IQCE: variants seen among roughly 807,000 people sequenced by gnomAD.
The protein encoded by IQCE is IQ motif containing E, also known as IQ domain-containing protein E.
In IQCE, 115 loss-of-function variants were observed where a neutral mutation model predicts 96.0. That is an observed-to-expected ratio of 1.20 (90% CI 1.03 to 1.40). The LOEUF is 1.40. IQCE is among the 40% of genes most tolerant of loss of function. The pLI, the probability that IQCE is intolerant of heterozygous loss-of-function variation, is 0.00. For synonymous variants in IQCE, 412 were observed against 371.2 expected (o/e 1.11, Z -1.26); for missense variants, 1,041 against 909.1 (o/e 1.15, Z -1.87).
chr7:2,567,801 T>C (rs1264282658), intron 2 of IQCE, among the ~76,000 whole-genome samples: 1 of 152,250 alleles, frequency 6.6e-6, no homozygotes, highest in African/African-American at 2.4e-5. Flanking sequence ...GTTTGCTCTG[T>C]GGACTCAAGG....
intron 17 of IQCE, among the ~76,000 whole-genome samples, chr7:2,600,114 G>T (rs1371228215): frequency 2.6e-5 from 4 of 151,486 alleles, no homozygotes; most frequent in African/African-American, 9.7e-5. Flanking sequence ...TCTTTTCAAA[G>T]ACATTTTCTT....
chr7:2,605,306 G>A (rs1449686321), intron 19 of IQCE, among the ~76,000 whole-genome samples: 2 of 152,202 alleles, frequency 1.3e-5, no homozygotes, highest in African/African-American at 4.8e-5. Flanking sequence ...TCTGTATTGA[G>A]GACCAGGTTT....
chr7:2,578,504 A>G lies in IQCE; in HGVS notation c.608A>G (p.Glu203Gly). Residue 203 changes from glutamate to glycine, a missense_variant, in exon 8 of 22, where the codon GAG (glutamate) becomes GGG (glycine). Physicochemically the swap from Glu to Gly is moderately conservative, Grantham distance 98. Coordinates refer to ENST00000402050, the MANE Select transcript of IQCE (RefSeq NM_152558.5). ...RGTDFVRTLAEKRPDASWVIN... is the reference protein window; with the variant it reads ...RGTDFVRTLAGKRPDASWVIN... ...ACGGATTTTGTTCGGACTCTGGCAG[A>G]GAAAAGGCCCGATGCCAGTTGGGTG... 1.2e-6 allele frequency: 2 copies of G among 1,614,216 alleles called. No homozygotes were observed. Among genetic ancestry groups the G allele is most frequent in the Non-Finnish European group, 1.7e-6 (2 of 1,180,036 alleles).
intron 8 of IQCE, among the ~76,000 whole-genome samples, chr7:2,579,855 G>A (rs1278879954): frequency 6.6e-6 from 1 of 151,584 alleles, no homozygotes; most frequent in African/African-American, 2.4e-5. Context: ...TGGCTTAGGG[G>A]ATACTCCCAC....
intron 19 of IQCE, 130 bp from the exon 20 acceptor site, chr7:2,605,746 G>T: frequency 6.4e-6 from 6 of 930,638 alleles, no homozygotes; most frequent in Non-Finnish European, 8.8e-6. Context: ...TTCCCGGGAG[G>T]CAGGGCCATC....
chr7:2,612,798 G>C lies in IQCE; in HGVS notation c.*2636G>C, dbSNP rs1481927348. The C allele has an allele frequency of 6.5e-6, 1 of 153,250 alleles. No homozygotes were observed. Among genetic ancestry groups the C allele is most frequent in the Non-Finnish European group, 1.5e-5 (1 of 68,626 alleles). 9.5% of individuals were successfully genotyped at this position (153,250 alleles called of 1,614,324 possible). A position where few individuals can be genotyped will look rare whatever the true frequency, so the allele number is the denominator to read the frequency against. On this transcript the variant is annotated 3_prime_UTR_variant, in exon 22 of 22. Coordinates refer to ENST00000402050, the MANE Select transcript of IQCE (RefSeq NM_152558.5). ...CCATGGGAGGGGTGAGCTGTGAGTG[G>C]GGCTGAGCCATGGGAGCAGCAAGCT...
chr7:2,567,390 A>G (rs1021010955), intron 2 of IQCE, among the ~76,000 whole-genome samples: 2 of 152,266 alleles, frequency 1.3e-5, no homozygotes, highest in African/African-American at 2.4e-5. Flanking sequence ...AGCAGGGCTC[A>G]TGTGAGACAG....
chr7:2,605,636 GTAAATAAA>G (rs10527603), intron 19 of IQCE, among the ~76,000 whole-genome samples: 3,832 of 148,932 alleles, frequency 0.026, 170 homozygotes, highest in African/African-American at 0.088. Context: ...AAATAAATAA[GTAAATAAA>G]TAAATAAATA....
intron 1 of IQCE, among the ~76,000 whole-genome samples, chr7:2,560,190 A>G (rs979721047): frequency 2.6e-5 from 4 of 152,100 alleles, no homozygotes; most frequent in African/African-American, 9.7e-5. Flanking sequence ...TGGAGGCTAC[A>G]GTGAACTGTG....
intron 11 of IQCE, among the ~76,000 whole-genome samples, chr7:2,585,721 A>T (rs1444059603): frequency 6.6e-6 from 1 of 152,256 alleles, no homozygotes; most frequent in African/African-American, 2.4e-5. Context: ...GGCATTTTTC[A>T]TCACCTGTGC....
chr7:2,594,785 C>T (rs867848730), intron 15 of IQCE, 101 bp from the exon 16 acceptor site: 1 of 806,570 alleles, frequency 1.2e-6, no homozygotes, highest in African/African-American at 1.7e-5. Context: ...TGCCTGGTGT[C>T]CCCCTGTCTC....
At position 2,572,263 on chromosome 7, in the gene IQCE, C is replaced by T. The variant is rs780234314; in HGVS notation, c.331C>T (p.Pro111Ser). 23 of 1,614,106 alleles carry T rather than the reference C, an allele frequency of 1.4e-5. No individual in the cohort carries two copies. In the South Asian group the frequency reaches 2.1e-4, roughly 15 times the overall value. The change falls in exon 5 of 22, where the codon CCT becomes TCT. Residue 111 changes from proline to serine, a missense_variant. Coordinates refer to ENST00000402050, the MANE Select transcript of IQCE (RefSeq NM_152558.5). ...GTGGACTGGCGTCCCCGGCGGCACT[C>T]CTGACTGTCTGACAGACACCTTCAG... ...HAWTGVPGGT[P>S]DCLTDTFRVK...
intron 12 of IQCE, among the ~76,000 whole-genome samples, chr7:2,587,513 G>C (rs1324762858): frequency 1.3e-5 from 2 of 152,180 alleles, no homozygotes; most frequent in African/African-American, 2.4e-5. Flanking sequence ...GGATTTGGCA[G>C]ACTGACAGTC....
chr7:2,582,585 T>G lies in IQCE; in HGVS notation c.636T>G (p.Ile212Met). Residue 212 changes from isoleucine (I) to methionine (M), a missense_variant, in exon 9 of 22, where the codon ATT (isoleucine) becomes ATG (methionine). Coordinates refer to ENST00000402050, the MANE Select transcript of IQCE (RefSeq NM_152558.5). ...TGGGCACGTTCCCCGGGCAGGTCAT[T>G]AACGGGCTGAAGCAGAGGATCCTGA... ...AEKRPDASWV[I>M]NGLKQRILKL... 3 of 1,613,962 alleles carry G rather than the reference T, an allele frequency of 1.9e-6. No homozygotes were observed. The South Asian group carries it at 3.3e-5, about 18-fold the overall frequency.
intron 1 of IQCE, among the ~76,000 whole-genome samples, chr7:2,561,423 T>C (rs1419600604): frequency 7.9e-6 from 1 of 126,258 alleles, no homozygotes; most frequent in Non-Finnish European, 1.6e-5. Flanking sequence ...TATACAATAA[T>C]TTTTTTTTTT....
intron 1 of IQCE, among the ~76,000 whole-genome samples, chr7:2,565,091 T>TGC (rs1781261599): frequency 6.8e-6 from 1 of 147,744 alleles, no homozygotes; most frequent in Non-Finnish European, 1.5e-5. Flanking sequence ...TGTGTGCGTG[T>TGC]GTGTGCGTGT....
intron 1 of IQCE, among the ~76,000 whole-genome samples, chr7:2,565,801 G>T (rs2128429397): frequency 6.6e-6 from 1 of 152,242 alleles, no homozygotes; most frequent in African/African-American, 2.4e-5. Context: ...TATAAAAAAT[G>T]ATATAAAAAA....
intron 8 of IQCE, among the ~76,000 whole-genome samples, chr7:2,580,491 A>G (rs1475301050): frequency 6.6e-6 from 1 of 152,120 alleles, no homozygotes; most frequent in Non-Finnish European, 1.5e-5. Context: ...GCGTGCCTGT[A>G]ATCCCAGCTA....
In IQCE at chr7:2,598,544, T is replaced by C; in HGVS notation, c.1520T>C (p.Leu507Pro). Residue 507 changes from leucine to proline, a missense_variant, in exon 17 of 22, where the codon CTC becomes CCC. By Grantham distance (98) the Leu-to-Pro change is moderately conservative (BLOSUM62 -3). Transcript: ENST00000402050. ...DWPPDSSEEG[L>P]PRPRSPCSDG... ...CCGCCGGATTCCAGCGAGGAGGGGC[T>C]CCCGCGGCCCCGCTCCCCCTGCTCT... is the stretch of plus-strand genomic sequence containing the variant. 6.2e-7 allele frequency: 1 copy of C among 1,610,822 alleles called. No individual in the cohort carries two copies. Among genetic ancestry groups the C allele is most frequent in the Non-Finnish European group, 8.5e-7 (1 of 1,178,676 alleles).
Sources: gnomAD v4.1 joint callset for allele counts (sites outside exome capture counted in the v4.1 genomes callset) on GRCh38, gnomAD v4.1.1 for gene constraint, MANE v1.5 for transcripts, NCBI Gene and HGNC (gene_info 2026-07-23, HGNC 2026-07-21) for gene names.